SH3D19: variants seen among roughly 807,000 people sequenced by gnomAD.
SH3D19 encodes the protein SH3 domain-containing protein 19.
SH3D19 carries 58 observed loss-of-function variants against 112.1 expected under a neutral mutation model. The observed-to-expected ratio is 0.52, with a 90% CI of 0.42 to 0.64. The LOEUF is 0.64. Among genes scored for constraint, SH3D19 ranks in the 30% least tolerant of loss-of-function variants. The probability of loss-of-function intolerance (pLI) is 0.00; values close to 1 mark genes in which losing one functional copy is unlikely to be tolerated. For synonymous variants in SH3D19, 391 were observed against 448.5 expected, an observed-to-expected ratio of 0.87 and a Z score of 1.62; for missense variants, 1,090 against 1,263.4, an observed-to-expected ratio of 0.86 and a Z score of 2.08.
chr4:151,264,220 C>G (rs984806969), intron 1 of SH3D19, among the ~76,000 whole-genome samples: 2 of 152,006 alleles, frequency 1.3e-5, no homozygotes, highest in African/African-American at 4.8e-5. Flanking sequence ...CACCTGAGGT[C>G]AGGAGTTCAA....
chr4:151,322,968 T>C (rs1730699964), intron 1 of SH3D19, among the ~76,000 whole-genome samples: 1 of 136,430 alleles, frequency 7.3e-6, no homozygotes, highest in Non-Finnish European at 1.7e-5. Context: ...GTTAAAAAAA[T>C]GGTTACATCT....
intron 1 of SH3D19, among the ~76,000 whole-genome samples, chr4:151,235,293 G>A (rs1203397170): frequency 1.3e-5 from 2 of 152,038 alleles, no homozygotes; most frequent in Admixed American, 1.3e-4. Flanking sequence ...GTGGTATTTG[G>A]TTTTCTGTGG....
chr4:151,142,772 G>T (rs913484077), intron 12 of SH3D19, among the ~76,000 whole-genome samples: 1 of 151,914 alleles, frequency 6.6e-6, no homozygotes, highest in African/African-American at 2.4e-5. Flanking sequence ...TTTCAAATAG[G>T]TAAGTTTTAT....
At chr4:151,213,411 G>C (rs1766303782) in intron 2 of SH3D19, among the ~76,000 whole-genome samples, 2 of 152,124 alleles carry the variant, frequency 1.3e-5, no homozygotes, top group South Asian at 4.1e-4. Context: ...TTGGGAGGTA[G>C]AGGTGGGTAG....
intron 1 of SH3D19, among the ~76,000 whole-genome samples, chr4:151,238,647 C>G (rs752259711): frequency 2.6e-5 from 4 of 151,996 alleles, no homozygotes; most frequent in Non-Finnish European, 5.9e-5. Context: ...TCAGCTCTGG[C>G]AACATTTTCT....
chr4:151,140,079 T>C (rs72965655), intron 12 of SH3D19: 8 of 454,530 alleles, frequency 1.8e-5, no homozygotes, highest in African/African-American at 1.6e-4. Flanking sequence ...TCCCCCAGTA[T>C]GTTTTCTTTT....
At chr4:151,214,202 C>CAGG (rs1276823684) in intron 2 of SH3D19, among the ~76,000 whole-genome samples, 2 of 152,016 alleles carry the variant, frequency 1.3e-5, no homozygotes, top group Non-Finnish European at 2.9e-5. Flanking sequence ...CACAGATCAA[C>CAGG]AGGATCCCAA....
At chr4:151,248,986 T>C (rs1771155673) in intron 1 of SH3D19, among the ~76,000 whole-genome samples, 1 of 152,220 alleles carries the variant, frequency 6.6e-6, no homozygotes, top group Non-Finnish European at 1.5e-5. Flanking sequence ...GTTACTTTTC[T>C]TCTTCTACTC....
At chr4:151,287,266 G>T (rs531159156) in intron 1 of SH3D19, among the ~76,000 whole-genome samples, 4 of 149,634 alleles carry the variant, frequency 2.7e-5, no homozygotes, top group Admixed American at 2.0e-4. Context: ...ACTTGAACCC[G>T]GGAGGCAGAG....
rs34435866 is a variant in SH3D19 at position 151,157,427 on chromosome 4, T to TAAA, written c.1755+1810_1755+1812dup. The stretch of plus-strand genomic sequence containing the variant: ...GTTGGGATGGCTATTATCTAAAAGA[T>TAAA]AAAAAAAAAAAACAAATGCTGGCAA... On this transcript the variant is annotated intron_variant, in intron 9 of 19. Transcript: ENST00000604030. Among the ~76,000 whole-genome samples, 223 of 146,390 alleles carry TAAA rather than the reference T, an allele frequency of 1.5e-3. 2 individuals carry two copies. The highest frequency in any genetic ancestry group is 7.0e-3 in the Middle Eastern group (2 of 284).
intron 2 of SH3D19, among the ~76,000 whole-genome samples, chr4:151,196,200 T>C (rs1032767235): frequency 2.0e-5 from 3 of 152,138 alleles, no homozygotes; most frequent in Non-Finnish European, 4.4e-5. Context: ...GGTCCATATT[T>C]AGAGTCTATA....
intron 7 of SH3D19, 46 bp downstream of exon 7, chr4:151,174,624 C>A: frequency 6.8e-7 from 1 of 1,473,966 alleles, no homozygotes; most frequent in Non-Finnish European, 9.0e-7. Flanking sequence ...TTTAAAATAC[C>A]CTATCATGAG....
At chr4:151,292,635 A>C (rs1775421397) in intron 1 of SH3D19, among the ~76,000 whole-genome samples, 1 of 152,196 alleles carries the variant, frequency 6.6e-6, no homozygotes, top group Non-Finnish European at 1.5e-5. Context: ...CTAACTTTTG[A>C]ACTCAATTAC....
chr4:151,139,301 C>T (rs1354895804), intron 13 of SH3D19, among the ~76,000 whole-genome samples: 2 of 152,022 alleles, frequency 1.3e-5, no homozygotes, highest in Admixed American at 6.5e-5. Context: ...TACAGGCGCC[C>T]GCCACTACGC....
At chr4:151,124,086 A>G (rs1748623490) in intron 19 of SH3D19, among the ~76,000 whole-genome samples, 1 of 150,232 alleles carries the variant, frequency 6.7e-6, no homozygotes, top group Non-Finnish European at 1.5e-5. Flanking sequence ...CCTACATACC[A>G]TGTCAGTTTC....
chr4:151,198,934 G>A (rs1763978145), intron 2 of SH3D19, among the ~76,000 whole-genome samples: 2 of 151,938 alleles, frequency 1.3e-5, no homozygotes, highest in Admixed American at 6.5e-5. Context: ...TTCAGCAGTG[G>A]GTAGGCACGA....
At chr4:151,180,850 G>A (rs537249572) in intron 3 of SH3D19, among the ~76,000 whole-genome samples, 2 of 150,942 alleles carry the variant, frequency 1.3e-5, no homozygotes, top group Middle Eastern at 3.4e-3. Context: ...TGCAAGCTCC[G>A]CCTCCCGGGT....
At chr4:151,132,929 G>T (rs374544238) in intron 16 of SH3D19, 105 bp downstream of exon 16, 7 of 985,658 alleles carry the variant, frequency 7.1e-6, no homozygotes, top group Non-Finnish European at 1.0e-5. Flanking sequence ...TCCTTCTACC[G>T]TAAAAATATG....
Position 151,133,150 on chromosome 4 carries a change from T to TTAAGAAATACTC in SH3D19, c.2572_2573insGAGTATTTCTTA (p.Leu857_Lys858insArgValPheLeu). 1 of 1,614,152 alleles carries TTAAGAAATACTC rather than the reference T, an allele frequency of 6.2e-7. No homozygotes were observed. Among genetic ancestry groups the TTAAGAAATACTC allele is most frequent in the Non-Finnish European group, 8.5e-7 (1 of 1,180,006 alleles). On this transcript the variant is annotated inframe_insertion, in exon 16 of 20. Coordinates refer to ENST00000604030, the MANE Select transcript of SH3D19 (RefSeq NM_001378122.1). Reference sequence around the variant, plus strand: ...GGCCCATTCCTCATTCACATACTCTTTAAGAATAATAATTTCTCCCTCTGA... The same window carrying TTAAGAAATACTC: ...GGCCCATTCCTCATTCACATACTCTTTAAGAAATACTCTAAGAATAATAATTTCTCCCTCTGA...
Sources: gnomAD v4.1 joint callset for allele counts (sites outside exome capture counted in the v4.1 genomes callset) on GRCh38, gnomAD v4.1.1 for gene constraint, MANE v1.5 for transcripts, NCBI Gene and HGNC (gene_info 2026-07-23, HGNC 2026-07-21) for gene names.